Variants in TENM2 observed in about 807,000 individuals in gnomAD.
TENM2 encodes teneurin transmembrane protein 2.
Under a neutral mutation model 245.2 loss-of-function variants are expected in TENM2, and 52 were observed. That is an observed-to-expected ratio of 0.21 (90% confidence interval 0.17 to 0.27). The LOEUF (loss-of-function observed/expected upper bound fraction) is 0.27, where lower values mean the gene tolerates loss of function less well. Ranked by LOEUF, TENM2 falls within the 10% of genes least tolerant of loss-of-function variation. The pLI, the probability that TENM2 is intolerant of heterozygous loss-of-function variation, is 1.00. For missense variants in TENM2, 3,046 were observed against 3,666.8 expected, an observed-to-expected ratio of 0.83 and a Z score of 4.37; for synonymous variants, 1,363 against 1,438.9, an observed-to-expected ratio of 0.95 and a Z score of 1.19.
Position 167,445,369 on chromosome 5 carries a change from A to AGAGAGAGT in TENM2, c.502+69897_502+69898insAGAGAGTG, listed in dbSNP as rs35699708. 5.4e-3 allele frequency among the ~76,000 whole-genome samples: 527 copies of AGAGAGAGT among 98,438 alleles called. 20 individuals carry two copies. The highest frequency in any genetic ancestry group is 0.017 in the East Asian group (41 of 2,442). The allele number at this position is 98,438 out of a possible 152,430, so 64.6% of individuals were successfully genotyped here. On this transcript the variant is annotated intron_variant, in intron 2 of 28. Coordinates refer to ENST00000518659, the Ensembl canonical transcript of TENM2. ...GAGAGAGAGAGAGAGAGAGAGAGAG[A>AGAGAGAGT]GTGTCAGGTGTTGTCTTGTTGTTGG...
At chr5:166,982,794 G>A in the TENM2 span, among the ~76,000 whole-genome samples, 17 of 151,760 alleles carry the variant, frequency 1.1e-4, no homozygotes, top group African/African-American at 2.7e-4. Flanking sequence ...TTTTTTTTGG[G>A]GGGGGGAGGA....
intron 7 of TENM2, among the ~76,000 whole-genome samples, chr5:168,075,296 A>G (rs1791372790): frequency 6.6e-6 from 1 of 152,194 alleles, no homozygotes; most frequent in Non-Finnish European, 1.5e-5. Flanking sequence ...GTAGTATTCC[A>G]TGGTATATAT....
At chr5:167,032,351 C>G in the TENM2 span, among the ~76,000 whole-genome samples, 1 of 152,214 alleles carries the variant, frequency 6.6e-6, no homozygotes, top group South Asian at 2.1e-4. Context: ...TTTTTGCTGC[C>G]TCTGCTTTTG....
At chr5:168,229,438 T>C (rs1477959130) in intron 25 of TENM2, 1 of 152,124 alleles carries the variant, frequency 6.6e-6, no homozygotes, top group East Asian at 1.9e-4. Flanking sequence ...GGGAATGTAA[T>C]GGCATACAAA....
chr5:167,478,074 A>G (rs1308098284), intron 2 of TENM2, among the ~76,000 whole-genome samples: 5 of 152,222 alleles, frequency 3.3e-5, no homozygotes, highest in Non-Finnish European at 7.3e-5. Flanking sequence ...TTTCACATGC[A>G]CTCAAACTGG....
chr5:167,655,628 G>A (rs1004628768), intron 2 of TENM2, among the ~76,000 whole-genome samples: 1 of 152,088 alleles, frequency 6.6e-6, no homozygotes, highest in African/African-American at 2.4e-5. Context: ...TTCAAATTTG[G>A]GAAGCATGAA....
At chr5:167,964,965 T>A (rs116607916) in intron 4 of TENM2, among the ~76,000 whole-genome samples, 69 of 152,296 alleles carry the variant, frequency 4.5e-4, no homozygotes, top group African/African-American at 1.6e-3. Context: ...AGCTGCCCTA[T>A]GATAAATGGA....
intron 2 of TENM2, among the ~76,000 whole-genome samples, chr5:167,517,127 C>T (rs1282888104): frequency 6.6e-6 from 1 of 152,174 alleles, no homozygotes; most frequent in African/African-American, 2.4e-5. Flanking sequence ...TAAAATGTCA[C>T]TGCATAAACT....
At chr5:167,041,681 T>C in the TENM2 span, among the ~76,000 whole-genome samples, 1 of 152,348 alleles carries the variant, frequency 6.6e-6, no homozygotes, top group East Asian at 1.9e-4. Flanking sequence ...TGATTTTGTA[T>C]TTTGGTTCTT....
Position 167,622,649 on chromosome 5 carries a change from A to T in TENM2, c.502+247176A>T, listed in dbSNP as rs545167189. 3.3e-5 allele frequency among the ~76,000 whole-genome samples: 5 copies of T among 152,242 alleles called. No homozygotes were observed. In the East Asian group the frequency reaches 9.6e-4, roughly 29 times the overall value. On this transcript the variant is annotated intron_variant, in intron 2 of 28. Coordinates refer to ENST00000518659, the Ensembl canonical transcript of TENM2. ...GGTGAGTATTATTCCAGCTCCAGGT[A>T]CATTGTGTTTTTGAAAATCCATCAT...
intron 10 of TENM2, among the ~76,000 whole-genome samples, 179 bp downstream of exon 12, chr5:168,118,665 G>T (rs970055413): frequency 1.4e-4 from 22 of 152,314 alleles, no homozygotes; most frequent in African/African-American, 4.3e-4. Context: ...AACAAGAAAA[G>T]CCTATGGAGA....
chr5:167,689,118 T>A (rs1310863524), intron 2 of TENM2, among the ~76,000 whole-genome samples: 2 of 152,034 alleles, frequency 1.3e-5, no homozygotes, highest in Non-Finnish European at 1.5e-5. Flanking sequence ...ATGCAAGAAA[T>A]TTATTGAGGG....
chr5:167,486,320 TC>T (rs1768068611), intron 2 of TENM2, among the ~76,000 whole-genome samples: 1 of 151,164 alleles, frequency 6.6e-6, no homozygotes, highest in African/African-American at 2.4e-5. Context: ...CATTTCTTTT[TC>T]TTTTCTTTTT....
chr5:167,732,915 A>G (rs996117031), intron 2 of TENM2, among the ~76,000 whole-genome samples: 4 of 152,208 alleles, frequency 2.6e-5, no homozygotes, highest in African/African-American at 9.7e-5. Flanking sequence ...TAACCATGCC[A>G]TGTGTTCACT....
chr5:167,064,007 T>C, the TENM2 span, among the ~76,000 whole-genome samples: 1 of 152,128 alleles, frequency 6.6e-6, no homozygotes, highest in African/African-American at 2.4e-5. Flanking sequence ...AGATCAAACG[T>C]TGGGAGTCTG....
the TENM2 span, among the ~76,000 whole-genome samples, chr5:167,189,946 G>A: frequency 5.3e-5 from 8 of 152,018 alleles, no homozygotes; most frequent in African/African-American, 1.9e-4. Context: ...ATAGTCCTAT[G>A]AAAGTCTAAA....
chr5:167,863,196 C>T (rs1010292315), intron 2 of TENM2, among the ~76,000 whole-genome samples: 1 of 152,198 alleles, frequency 6.6e-6, no homozygotes, highest in Non-Finnish European at 1.5e-5. Flanking sequence ...AATTACAAAC[C>T]ATGACGTGCT....
chr5:167,246,924 C>T, the TENM2 span, among the ~76,000 whole-genome samples: 1 of 151,956 alleles, frequency 6.6e-6, no homozygotes, highest in Non-Finnish European at 1.5e-5. Flanking sequence ...TATTCATCAC[C>T]TCATCATTCA....
intron 27 of TENM2, among the ~76,000 whole-genome samples, chr5:168,257,640 G>A (rs1468114134): frequency 1.4e-4 from 19 of 140,294 alleles, no homozygotes; most frequent in South Asian, 4.5e-4. Context: ...TTTTTGTGAC[G>A]GAGTCTCACT....
Sources: gnomAD v4.1 joint callset for allele counts (sites outside exome capture counted in the v4.1 genomes callset) on GRCh38, gnomAD v4.1.1 for gene constraint, MANE v1.5 for transcripts, NCBI Gene and HGNC (gene_info 2026-07-23, HGNC 2026-07-21) for gene names.